CLDN10: variants seen among roughly 807,000 people sequenced by gnomAD.
The protein encoded by CLDN10 is claudin 10.
A neutral mutation model predicts 22.9 loss-of-function variants in CLDN10; 15 were observed. That is an observed-to-expected ratio of 0.65 (90% CI 0.44 to 1.01). The LOEUF is 1.01. Among genes scored for constraint, CLDN10 ranks in the 50% least tolerant of loss-of-function variants. CLDN10 has a pLI of 0.00. For missense variants in CLDN10, 247 were observed against 287.8 expected (o/e 0.86, Z 1.03); for synonymous variants, 114 against 111.4 (o/e 1.02, Z -0.15).
intron 1 of CLDN10, among the ~76,000 whole-genome samples, chr13:95,538,488 A>G (rs1331620778): frequency 6.6e-6 from 1 of 151,988 alleles, no homozygotes; most frequent in East Asian, 1.9e-4. Flanking sequence ...TCCTCTCCAT[A>G]TGTGATGATA....
At chr13:95,540,342 A>C (rs1351573732) in intron 1 of CLDN10, among the ~76,000 whole-genome samples, 2 of 140,134 alleles carry the variant, frequency 1.4e-5, no homozygotes, top group Non-Finnish European at 3.1e-5. Context: ...ATAAATAAAT[A>C]TTAGCCTGGC....
In CLDN10 at chr13:95,578,080, A is replaced by T. The variant is rs2043962811; in HGVS notation, c.*66A>T. ...AGCGAACTGTTCACAAAATGATCCC[A>T]TCAAGGCCCTCCCATAATTAACACT... On this transcript the variant is annotated 3_prime_UTR_variant, in exon 5 of 5. Transcript: ENST00000299339. The T allele has an allele frequency of 1.2e-6, 1 of 829,260 alleles. No individual in the cohort carries two copies. The allele number at this position is 829,260 out of a possible 1,614,324, so 51.4% of individuals were successfully genotyped here.
intron 1 of CLDN10, among the ~76,000 whole-genome samples, chr13:95,515,529 T>C (rs1356293472): frequency 1.3e-5 from 2 of 152,166 alleles, no homozygotes; most frequent in African/African-American, 4.8e-5. Context: ...GTGGCATGAA[T>C]GTAAGTCTTT....
At chr13:95,480,284 A>G (rs1361734986) in intron 1 of CLDN10, among the ~76,000 whole-genome samples, 2 of 152,178 alleles carry the variant, frequency 1.3e-5, no homozygotes, top group Non-Finnish European at 2.9e-5. Flanking sequence ...GTGGGGTCAC[A>G]GCCAAACCAT....
At chr13:95,464,250 G>A (rs867109685) in intron 1 of CLDN10, among the ~76,000 whole-genome samples, 4 of 151,504 alleles carry the variant, frequency 2.6e-5, no homozygotes, top group Middle Eastern at 3.4e-3. Flanking sequence ...TATCCCTCCC[G>A]CCTTCCCCCA....
chr13:95,462,884 C>T (rs955990183), intron 1 of CLDN10, among the ~76,000 whole-genome samples: 1 of 152,148 alleles, frequency 6.6e-6, no homozygotes, highest in African/African-American at 2.4e-5. Flanking sequence ...CTGCAAGGTT[C>T]TTATCTGATT....
chr13:95,564,075 C>CT (rs1318373440), intron 3 of CLDN10, among the ~76,000 whole-genome samples: 1 of 152,206 alleles, frequency 6.6e-6, no homozygotes, highest in Non-Finnish European at 1.5e-5. Flanking sequence ...AGAATCAAAG[C>CT]TTGTGGCAGG....
chr13:95,435,962 T>TAA (rs55831992), intron 1 of CLDN10, among the ~76,000 whole-genome samples: 4 of 141,664 alleles, frequency 2.8e-5, no homozygotes, highest in Admixed American at 7.2e-5. Flanking sequence ...GGCCTCATCT[T>TAA]AAAAAAAAAA....
At chr13:95,517,953 A>AAAAAAG (rs1555295127) in intron 1 of CLDN10, among the ~76,000 whole-genome samples, 1 of 127,240 alleles carries the variant, frequency 7.9e-6, no homozygotes, top group African/African-American at 3.1e-5. Flanking sequence ...AAAAAAAAAA[A>AAAAAAG]AGAGAGATTG....
intron 1 of CLDN10, among the ~76,000 whole-genome samples, chr13:95,492,019 G>A (rs753905607): frequency 7.2e-5 from 11 of 152,164 alleles, no homozygotes; most frequent in Admixed American, 2.6e-4. Context: ...GATGTGAACC[G>A]TCTGTGGGTC....
At chr13:95,490,569 A>T (rs1195782983) in intron 1 of CLDN10, among the ~76,000 whole-genome samples, 1 of 152,128 alleles carries the variant, frequency 6.6e-6, no homozygotes, top group Non-Finnish European at 1.5e-5. Context: ...ATGTATTTGC[A>T]TGGTTTTGAA....
upstream of CLDN10, among the ~76,000 whole-genome samples, chr13:95,548,507 T>C (rs2043532795): frequency 1.3e-5 from 2 of 152,230 alleles, no homozygotes. Flanking sequence ...TATATATTTA[T>C]ATATGAATGG....
intron 1 of CLDN10, among the ~76,000 whole-genome samples, chr13:95,516,223 C>T (rs1374907999): frequency 6.6e-6 from 1 of 152,114 alleles, no homozygotes; most frequent in Non-Finnish European, 1.5e-5. Context: ...GAATATTTCT[C>T]ATCTGTATCG....
rs773126278 is a variant in CLDN10 at position 95,552,757 on chromosome 13, G to A, written c.4G>A (p.Ala2Thr). Residue 2 changes from alanine to threonine, a missense_variant, in exon 1 of 5, where the codon GCT becomes ACT. Transcript: ENST00000299339. M[A>T]STASEIIAFM... ...GAGCGCGGCTGCAGCCGGCGGCATGGCTAGCACGGCTTCGGAGATCATCGC... is the reference window on the plus strand; with the variant it reads ...GAGCGCGGCTGCAGCCGGCGGCATGACTAGCACGGCTTCGGAGATCATCGC... 10 of 1,611,050 alleles carry A rather than the reference G, an allele frequency of 6.2e-6. No homozygotes were observed. Among genetic ancestry groups the A allele is most frequent in the South Asian group, 1.1e-5 (1 of 90,880 alleles).
intron 1 of CLDN10, among the ~76,000 whole-genome samples, chr13:95,483,389 TG>T (rs1428678434): frequency 6.6e-6 from 1 of 152,196 alleles, no homozygotes; most frequent in Non-Finnish European, 1.5e-5. Context: ...TAAAATTTTT[TG>T]TAGAGACATG....
rs1041493856 is a variant in CLDN10, at chr13:95,477,327, A to G, written c.214+43280A>G. ...ATCATTTCAGCAGGCTCTGGGGCAT[A>G]CAGGCTGTTCCTATTTGTCAGATAC... On this transcript the variant is annotated intron_variant, in intron 1 of 4. Coordinates refer to the CLDN10 transcript ENST00000376873. Among the ~76,000 whole-genome samples, 4 of 152,310 alleles carry G rather than the reference A, an allele frequency of 2.6e-5. 1 individual carries two copies. Among genetic ancestry groups the G allele is most frequent in the Admixed American group, 2.0e-4 (3 of 15,292 alleles).
intron 1 of CLDN10, among the ~76,000 whole-genome samples, chr13:95,443,001 A>C (rs1453248603): frequency 6.6e-6 from 1 of 152,244 alleles, no homozygotes; most frequent in Non-Finnish European, 1.5e-5. Context: ...AAATGAATGT[A>C]TACAGTGTGT....
At chr13:95,457,461 T>C (rs2042493247) in intron 1 of CLDN10, among the ~76,000 whole-genome samples, 1 of 152,116 alleles carries the variant, frequency 6.6e-6, no homozygotes, top group South Asian at 2.1e-4. Flanking sequence ...CTGTGCAGTC[T>C]TGGGAACTGA....
At chr13:95,503,940 T>G (rs543920548) in intron 1 of CLDN10, among the ~76,000 whole-genome samples, 1 of 152,216 alleles carries the variant, frequency 6.6e-6, no homozygotes, top group Non-Finnish European at 1.5e-5. Flanking sequence ...TTAACACTAC[T>G]GAACTGTACA....
Sources: gnomAD v4.1 joint callset for allele counts (sites outside exome capture counted in the v4.1 genomes callset) on GRCh38, gnomAD v4.1.1 for gene constraint, MANE v1.5 for transcripts, NCBI Gene and HGNC (gene_info 2026-07-23, HGNC 2026-07-21) for gene names.